Variants in LRRC40 observed in about 807,000 individuals in gnomAD.
LRRC40 encodes leucine-rich repeat-containing protein 40.
In LRRC40, 76 loss-of-function variants were observed where a neutral mutation model predicts 72.8. The observed-to-expected ratio is 1.04, with a 90% CI of 0.87 to 1.26. The LOEUF (loss-of-function observed/expected upper bound fraction) is 1.26. Ranked by LOEUF, LRRC40 falls within the 50% of genes most tolerant of loss-of-function variation. LRRC40 has a pLI of 0.00. For synonymous variants in LRRC40, 243 were observed against 254.2 expected (o/e 0.96, Z 0.42); for missense variants, 684 against 698.9 (o/e 0.98, Z 0.24).
At chr1:70,195,514 C>T (rs1352808139) in intron 1 of LRRC40, among the ~76,000 whole-genome samples, 1 of 152,138 alleles carries the variant, frequency 6.6e-6, no homozygotes, top group African/African-American at 2.4e-5. Context: ...AACACAGCCA[C>T]AAGAATAGTT....
At chr1:70,189,298 G>GAAAAAAA in intron 1 of LRRC40, 25 bp from the exon 2 acceptor site, 1 of 761,914 alleles carries the variant, frequency 1.3e-6, no homozygotes, top group South Asian at 4.9e-5. Context: ...ACCACACCAG[G>GAAAAAAA]AAAAAAAAAA....
chr1:70,174,572 T>C (rs150601653), intron 7 of LRRC40, among the ~76,000 whole-genome samples: 1,961 of 152,180 alleles, frequency 0.013, 51 homozygotes, highest in African/African-American at 0.044. Context: ...CTGCGGTATA[T>C]CTATCTCTGT....
Position 70,162,882 on chromosome 1 carries a change from T to C in LRRC40, c.1112-3444A>G, listed in dbSNP as rs189755512. Among the ~76,000 whole-genome samples, 495 of 152,306 alleles carry C rather than the reference T, an allele frequency of 3.3e-3. 6 individuals carry two copies. The highest frequency in any genetic ancestry group is 0.031 in the South Asian group (149 of 4,826). On this transcript the variant is annotated intron_variant, in intron 9 of 14. Coordinates refer to ENST00000370952, the MANE Select transcript of LRRC40 (RefSeq NM_017768.5). ...ATGATTCCAATTCATTAATATATAA[T>C]TTACTGGCATAAATTATTTTATGCC...
chr1:70,170,266 G>A (rs1667973019), intron 9 of LRRC40, among the ~76,000 whole-genome samples: 1 of 152,036 alleles, frequency 6.6e-6, no homozygotes, highest in African/African-American at 2.4e-5. Context: ...ATGATAAAGG[G>A]CATCTACAAA....
At chr1:70,205,335 TG>T in intron 1 of LRRC40, 54 bp downstream of exon 1, 1 of 1,469,992 alleles carries the variant, frequency 6.8e-7, no homozygotes, top group Non-Finnish European at 9.1e-7. Flanking sequence ...GGAGGTTGCC[TG>T]GGCCAAAGGC....
At chr1:70,197,688 G>T (rs1668645866) in intron 1 of LRRC40, among the ~76,000 whole-genome samples, 1 of 150,998 alleles carries the variant, frequency 6.6e-6, no homozygotes, top group Non-Finnish European at 1.5e-5. Context: ...TGATCACAGA[G>T]AACTATCTAG....
At chr1:70,192,303 T>G (rs905781022) in intron 1 of LRRC40, among the ~76,000 whole-genome samples, 3 of 152,042 alleles carry the variant, frequency 2.0e-5, no homozygotes, top group Admixed American at 1.3e-4. Context: ...GCTAGTGATT[T>G]TTGTACATTG....
chr1:70,200,615 T>TTA (rs1192302714), intron 1 of LRRC40, among the ~76,000 whole-genome samples: 1 of 152,226 alleles, frequency 6.6e-6, no homozygotes, highest in African/African-American at 2.4e-5. Context: ...TGTTAAACAC[T>TTA]TATGAGACTA....
At chr1:70,163,075 TTTTC>T (rs1312094202) in intron 9 of LRRC40, among the ~76,000 whole-genome samples, 4 of 147,720 alleles carry the variant, frequency 2.7e-5, no homozygotes, top group Admixed American at 6.7e-5. Context: ...TTTCCTTTCC[TTTTC>T]TTTTTTTTTT....
At chr1:70,166,324 T>C (rs1667878912) in intron 9 of LRRC40, among the ~76,000 whole-genome samples, 1 of 152,138 alleles carries the variant, frequency 6.6e-6, no homozygotes, top group South Asian at 2.1e-4. Flanking sequence ...ATGTTAATAA[T>C]ATGACCAATT....
intron 1 of LRRC40, among the ~76,000 whole-genome samples, chr1:70,199,953 G>A (rs1668700633): frequency 6.6e-6 from 1 of 152,038 alleles, no homozygotes; most frequent in Admixed American, 6.6e-5. Context: ...ATAAGTTTAG[G>A]TAGAGTAAAC....
chr1:70,148,782 AT>A (rs1667385994), intron 13 of LRRC40, 110 bp from the exon 14 acceptor site: 1 of 593,948 alleles, frequency 1.7e-6, no homozygotes, highest in Non-Finnish European at 2.7e-6. Flanking sequence ...AGTGTATGTT[AT>A]TCTGTAATTG....
intron 1 of LRRC40, among the ~76,000 whole-genome samples, chr1:70,202,850 T>G (rs1271317527): frequency 6.6e-6 from 1 of 152,182 alleles, no homozygotes; most frequent in African/African-American, 2.4e-5. Flanking sequence ...TTAAAAAATT[T>G]TAAAGTATGG....
At chr1:70,158,885 C>A (rs1667697321) in intron 10 of LRRC40, among the ~76,000 whole-genome samples, 1 of 151,942 alleles carries the variant, frequency 6.6e-6, no homozygotes, top group Non-Finnish European at 1.5e-5. Context: ...TTTTTTATAA[C>A]AATAAAATGT....
At chr1:70,155,882 A>G (rs1667627305) in intron 10 of LRRC40, 86 bp from the exon 11 acceptor site, 1 of 532,722 alleles carries the variant, frequency 1.9e-6, no homozygotes, top group Non-Finnish European at 3.2e-6. Flanking sequence ...AAAGGTGTTT[A>G]AAGATTTTAT....
chr1:70,151,433 C>T (rs1305177051), intron 12 of LRRC40, among the ~76,000 whole-genome samples: 2 of 152,038 alleles, frequency 1.3e-5, no homozygotes, highest in African/African-American at 4.8e-5. Context: ...ATTGATAATG[C>T]AATGAATTCT....
intron 10 of LRRC40, among the ~76,000 whole-genome samples, chr1:70,158,513 G>A (rs1458362647): frequency 6.6e-6 from 1 of 152,072 alleles, no homozygotes; most frequent in Non-Finnish European, 1.5e-5. Flanking sequence ...AGACAGTACT[G>A]AAAGGATACT....
chr1:70,149,943 C>CA (rs1332104878), intron 13 of LRRC40, among the ~76,000 whole-genome samples: 2 of 152,042 alleles, frequency 1.3e-5, no homozygotes, highest in Admixed American at 6.6e-5. Context: ...TTTTTTGAGA[C>CA]AGAGTCTTGC....
At chr1:70,155,304 A>G (rs1186413648) in intron 11 of LRRC40, among the ~76,000 whole-genome samples, 1 of 152,116 alleles carries the variant, frequency 6.6e-6, no homozygotes, top group Non-Finnish European at 1.5e-5. Flanking sequence ...GGAAATTCCT[A>G]TTAATCCACA....
Sources: allele counts gnomAD v4.1 joint callset (sites outside exome capture counted in the v4.1 genomes callset), GRCh38; gene constraint gnomAD v4.1.1; transcripts MANE v1.5; gene names NCBI Gene and HGNC (gene_info 2026-07-23, HGNC 2026-07-21).